EFNA5: variants seen among roughly 807,000 people sequenced by gnomAD.
EFNA5 encodes ephrin-A5.
Under a neutral mutation model 22.9 loss-of-function variants are expected in EFNA5, and 5 were observed. The ratio of observed to expected loss-of-function variants is 0.22; its 90% CI spans 0.11 to 0.46. The LOEUF is 0.46. Among genes scored for constraint, EFNA5 ranks in the 20% least tolerant of loss-of-function variants. EFNA5 has a pLI of 0.99. For missense variants in EFNA5, 237 were observed against 293.3 expected, an observed-to-expected ratio of 0.81 and a Z score of 1.40; for synonymous variants, 113 against 112.2, an observed-to-expected ratio of 1.01 and a Z score of -0.04.
rs759143162 is a variant in EFNA5 at position 107,381,396 on chromosome 5, A to G, written c.566-20T>C. 2 of 1,594,492 alleles carry G rather than the reference A, an allele frequency of 1.3e-6. 1 individual carries two copies. Among genetic ancestry groups the G allele is most frequent in the East Asian group, 4.5e-5 (2 of 44,318 alleles). On this transcript the variant is annotated intron_variant, in intron 4 of 4. Transcript: ENST00000333274. ...TGTCATCTGTTCAAATAGAAAGCAC[A>G]CATTCCAATGAGATTTCACATCCTT...
intron 2 of EFNA5, among the ~76,000 whole-genome samples, chr5:107,404,501 C>T (rs1748159838): frequency 6.6e-6 from 1 of 152,180 alleles, no homozygotes; most frequent in African/African-American, 2.4e-5. Context: ...CAATTATCTA[C>T]TATTTCCATG....
chr5:107,424,198 A>ATTTTTTT (rs70996959), intron 2 of EFNA5, among the ~76,000 whole-genome samples: 3 of 95,706 alleles, frequency 3.1e-5, no homozygotes, highest in African/African-American at 9.8e-5. Flanking sequence ...TCTTTCTTTC[A>ATTTTTTT]TTTTTTTTTT....
At chr5:107,518,893 T>C (rs1456977142) in intron 1 of EFNA5, among the ~76,000 whole-genome samples, 4 of 152,190 alleles carry the variant, frequency 2.6e-5, no homozygotes, top group African/African-American at 9.7e-5. Flanking sequence ...TTTCCAGTCA[T>C]TGAGAGGAAC....
chr5:107,561,558 T>C (rs1038305240), intron 1 of EFNA5, among the ~76,000 whole-genome samples: 2 of 152,026 alleles, frequency 1.3e-5, no homozygotes, highest in East Asian at 3.9e-4. Flanking sequence ...TTAGTAAAGA[T>C]GGGGTTTCAC....
At chr5:107,553,141 C>T (rs1199520949) in intron 1 of EFNA5, among the ~76,000 whole-genome samples, 1 of 149,916 alleles carries the variant, frequency 6.7e-6, no homozygotes, top group East Asian at 1.9e-4. Context: ...AAAAGAACTG[C>T]CCCAGTCCTG....
In EFNA5 at chr5:107,589,115, G is replaced by A. The variant is rs1390057771; in HGVS notation, c.125+81374C>T. Among the ~76,000 whole-genome samples, 3 of 152,192 alleles carry A rather than the reference G, an allele frequency of 2.0e-5. 1 individual carries two copies. The highest frequency in any genetic ancestry group is 2.0e-4 in the Admixed American group (3 of 15,280). The stretch of plus-strand genomic sequence containing the variant: ...TTGCCATTTCAAGTGGCTGCAAATT[G>A]GGGGCAAAGAGAGTAAACTCAAAAA... On this transcript the variant is annotated intron_variant, in intron 1 of 4. Coordinates refer to ENST00000333274, the MANE Select transcript of EFNA5 (RefSeq NM_001962.3).
At chr5:107,644,889 T>A (rs1378227916) in intron 1 of EFNA5, among the ~76,000 whole-genome samples, 3 of 152,112 alleles carry the variant, frequency 2.0e-5, no homozygotes, top group Non-Finnish European at 4.4e-5. Flanking sequence ...TTAGTAGAGA[T>A]GGGGTTTCTC....
rs543993128 is a variant in EFNA5 at position 107,585,508 on chromosome 5, G to T, written c.125+84981C>A. 3.8e-4 allele frequency among the ~76,000 whole-genome samples: 58 copies of T among 152,214 alleles called. No individual in the cohort carries two copies. In the South Asian group the frequency reaches 6.8e-3, roughly 18 times the overall value. On this transcript the variant is annotated intron_variant, in intron 1 of 4. Coordinates refer to ENST00000333274, the MANE Select transcript of EFNA5 (RefSeq NM_001962.3). Reference sequence around the variant, plus strand: ...ACTGATAAATTCTAAACAATATTAGGCCATATAGAGAAATAGAAAAACCTG... The same window carrying T: ...ACTGATAAATTCTAAACAATATTAGTCCATATAGAGAAATAGAAAAACCTG...
At chr5:107,392,200 C>T (rs1438759396) in intron 2 of EFNA5, among the ~76,000 whole-genome samples, 1 of 152,206 alleles carries the variant, frequency 6.6e-6, no homozygotes, top group Non-Finnish European at 1.5e-5. Flanking sequence ...GGTATCCCCA[C>T]ATTCCTGTAG....
intron 1 of EFNA5, among the ~76,000 whole-genome samples, chr5:107,571,797 T>G (rs1485874993): frequency 6.6e-6 from 1 of 152,162 alleles, no homozygotes; most frequent in Non-Finnish European, 1.5e-5. Flanking sequence ...GGTTTTTCCT[T>G]TCTCGTAGAG....
At chr5:107,408,751 A>G (rs1186212137) in intron 2 of EFNA5, among the ~76,000 whole-genome samples, 1 of 152,180 alleles carries the variant, frequency 6.6e-6, no homozygotes, top group Non-Finnish European at 1.5e-5. Flanking sequence ...ACCCTTATGC[A>G]AATGTTGAGT....
chr5:107,589,587 TG>T (rs1749274612), intron 1 of EFNA5, among the ~76,000 whole-genome samples: 1 of 152,214 alleles, frequency 6.6e-6, no homozygotes, highest in African/African-American at 2.4e-5. Context: ...AGAGGTACAA[TG>T]CTAGTGAATG....
chr5:107,661,126 A>AAAG lies in EFNA5; in HGVS notation c.125+9360_125+9362dup, dbSNP rs558638367. The stretch of plus-strand genomic sequence containing the variant: ...TTCATCTGTCTGTTAAAAAAAAAAA[A>AAAG]AAGAAGAAGAAGAAGAAGAAAAAAA... On this transcript the variant is annotated intron_variant, in intron 1 of 4. Coordinates refer to ENST00000333274, the MANE Select transcript of EFNA5 (RefSeq NM_001962.3). Among the ~76,000 whole-genome samples the AAAG allele has an allele frequency of 8.9e-3, 1,241 of 139,404 alleles. 10 individuals carry two copies. Among genetic ancestry groups the AAAG allele is most frequent in the African/African-American group, 0.025 (977 of 39,242 alleles). 91.5% of individuals were successfully genotyped at this position (139,404 alleles called of 152,430 possible). A position where few individuals can be genotyped will look rare whatever the true frequency, so the allele number is the denominator to read the frequency against.
chr5:107,568,180 A>T (rs1332448685), intron 1 of EFNA5, among the ~76,000 whole-genome samples: 15 of 152,224 alleles, frequency 9.9e-5, no homozygotes, highest in Admixed American at 9.2e-4. Flanking sequence ...TACAAGTGTG[A>T]GCCACTGTGC....
intron 1 of EFNA5, among the ~76,000 whole-genome samples, chr5:107,495,248 A>C (rs1429782354): frequency 6.6e-6 from 1 of 152,138 alleles, no homozygotes; most frequent in Non-Finnish European, 1.5e-5. Flanking sequence ...CCACTCCTGA[A>C]GTCAGCGGGA....
intron 1 of EFNA5, among the ~76,000 whole-genome samples, chr5:107,660,027 A>T (rs1750913057): frequency 6.6e-6 from 1 of 151,404 alleles, no homozygotes; most frequent in Non-Finnish European, 1.5e-5. Context: ...CCCTCAACAC[A>T]CACCACCTCT....
intron 1 of EFNA5, 36 bp from the exon 2 acceptor site, chr5:107,427,545 A>G (rs1342671721): frequency 4.5e-6 from 7 of 1,547,276 alleles, no homozygotes; most frequent in Non-Finnish European, 4.4e-6. Flanking sequence ...GATAATTCAT[A>G]GAGAAAGGGC....
intron 1 of EFNA5, among the ~76,000 whole-genome samples, chr5:107,494,288 G>A (rs1746903380): frequency 6.6e-6 from 1 of 152,208 alleles, no homozygotes; most frequent in Non-Finnish European, 1.5e-5. Flanking sequence ...CGGCGCTTGA[G>A]GGCCAGCTGG....
chr5:107,491,267 T>C (rs569203896), intron 1 of EFNA5, among the ~76,000 whole-genome samples: 1 of 152,286 alleles, frequency 6.6e-6, no homozygotes, highest in Admixed American at 6.5e-5. Context: ...GCAGAACTCT[T>C]AATTCTAGCA....
Sources: allele counts gnomAD v4.1 joint callset (sites outside exome capture counted in the v4.1 genomes callset), GRCh38; gene constraint gnomAD v4.1.1; transcripts MANE v1.5; gene names NCBI Gene and HGNC (gene_info 2026-07-23, HGNC 2026-07-21).